The following UBE2D3 variants were observed in gnomAD, a reference collection of about 807,000 sequenced individuals.
The protein encoded by UBE2D3 is ubiquitin-conjugating enzyme E2 D3.
UBE2D3 carries 2 observed loss-of-function variants against 22.8 expected under a neutral mutation model. That is an observed-to-expected ratio of 0.09 (90% CI 0.04 to 0.28). UBE2D3 has a LOEUF of 0.28. Ranked by LOEUF, UBE2D3 falls within the 10% of genes least tolerant of loss-of-function variation. The pLI, the probability that UBE2D3 is intolerant of heterozygous loss-of-function variation, is 1.00. For synonymous variants in UBE2D3, 56 were observed against 60.4 expected (o/e 0.93, Z 0.34); for missense variants, 27 against 182.5 (o/e 0.15, Z 4.91).
At chr4:102,831,947 G>T (rs77712949), upstream of UBE2D3, among the ~76,000 whole-genome samples, 34 of 152,234 alleles carry the variant, frequency 2.2e-4, no homozygotes, top group Non-Finnish European at 4.6e-4. Flanking sequence ...AAAAAACATC[G>T]AATTACTATT....
intron 1 of UBE2D3, among the ~76,000 whole-genome samples, chr4:102,836,700 T>C (rs1397867854): frequency 6.6e-6 from 1 of 152,232 alleles, no homozygotes; most frequent in Non-Finnish European, 1.5e-5. Flanking sequence ...TTTTCAATTT[T>C]AGCCATTGTA....
intron 2 of UBE2D3, among the ~76,000 whole-genome samples, chr4:102,820,955 TG>T (rs1729509339): frequency 6.6e-6 from 1 of 152,206 alleles, no homozygotes; most frequent in Non-Finnish European, 1.5e-5. Context: ...CAATAGATTA[TG>T]TTGAAAGTAT....
intron 1 of UBE2D3, among the ~76,000 whole-genome samples, chr4:102,863,242 G>T (rs1364500814): frequency 6.6e-6 from 1 of 151,926 alleles, no homozygotes; most frequent in African/African-American, 2.4e-5. Context: ...GTAGAGATGG[G>T]GTTTCACTAT....
At chr4:102,853,352 T>C (rs896728727) in intron 1 of UBE2D3, among the ~76,000 whole-genome samples, 6 of 127,808 alleles carry the variant, frequency 4.7e-5, no homozygotes, top group East Asian at 2.3e-4. Context: ...CCAGCAGATA[T>C]CTTGAACATG....
At chr4:102,838,748 G>C (rs1360779264) in intron 1 of UBE2D3, among the ~76,000 whole-genome samples, 1 of 133,142 alleles carries the variant, frequency 7.5e-6, no homozygotes, top group African/African-American at 2.8e-5. Flanking sequence ...TCAAGTAAAA[G>C]CGTAAAATAT....
chr4:102,825,170 T>C, intron 2 of UBE2D3: 1 of 899,422 alleles, frequency 1.1e-6, no homozygotes, highest in Non-Finnish European at 1.3e-6. Flanking sequence ...TAAAGGCAAA[T>C]TCTTGCCATT....
exon 1 of UBE2D3, chr4:102,868,739 A>G: frequency 1.2e-6 from 2 of 1,614,050 alleles, no homozygotes; most frequent in Non-Finnish European, 1.7e-6. Context: ...TTCGGTTAGA[A>G]AGCATTCTCA....
exon 1 of UBE2D3, chr4:102,868,847 G>A (rs1367763275): frequency 8.3e-6 from 13 of 1,559,302 alleles, no homozygotes; most frequent in Non-Finnish European, 1.1e-5. Context: ...ACGAGATTCC[G>A]AGGAGGGCCT....
chr4:102,866,226 C>T (rs1249810167), intron 1 of UBE2D3, among the ~76,000 whole-genome samples: 2 of 152,222 alleles, frequency 1.3e-5, no homozygotes, highest in Non-Finnish European at 2.9e-5. Context: ...ATATGATCCA[C>T]ACCTTTTCTC....
rs948935255 is a variant in UBE2D3, at chr4:102,799,187, A to G, written c.398+220T>C. The stretch of plus-strand genomic sequence containing the variant: ...AAGTGATACTGTTTAACACGCTAGG[A>G]AAAAAAAAACAACAATAAAACATTT... On this transcript the variant is annotated intron_variant, in intron 7 of 7. Transcript: ENST00000453744. 7.4e-5 allele frequency among the ~76,000 whole-genome samples: 11 copies of G among 149,242 alleles called. No homozygotes were observed. In the East Asian group the frequency reaches 2.1e-3, roughly 29 times the overall value.
At chr4:102,798,364 G>T (rs1725570612) in intron 7 of UBE2D3, among the ~76,000 whole-genome samples, 1 of 145,998 alleles carries the variant, frequency 6.8e-6, no homozygotes, top group African/African-American at 2.6e-5. Flanking sequence ...ACCAAATATG[G>T]TCCAACAACT....
At chr4:102,826,298 T>C (rs1357250143) in intron 2 of UBE2D3, among the ~76,000 whole-genome samples, 187 bp downstream of exon 2, 1 of 152,196 alleles carries the variant, frequency 6.6e-6, no homozygotes, top group Non-Finnish European at 1.5e-5. Context: ...TTGCCACAAG[T>C]GTTCTCCGTT....
At chr4:102,832,841 T>G (rs1207541649) in intron 1 of UBE2D3, among the ~76,000 whole-genome samples, 4 of 151,870 alleles carry the variant, frequency 2.6e-5, no homozygotes, top group African/African-American at 9.7e-5. Context: ...AAACTGTGTC[T>G]CTACAAAAAA....
At chr4:102,799,376 C>G (rs769483772) in intron 7 of UBE2D3, 31 bp downstream of exon 7, 1 of 1,584,134 alleles carries the variant, frequency 6.3e-7, no homozygotes, top group Admixed American at 1.7e-5. Flanking sequence ...TAAGTAAAAC[C>G]ACTTTTATAA....
chr4:102,798,279 A>AATATAAATATATATATATATAT (rs1725525249), intron 7 of UBE2D3, among the ~76,000 whole-genome samples: 3 of 111,860 alleles, frequency 2.7e-5, no homozygotes, highest in African/African-American at 1.2e-4. Flanking sequence ...TTAAGAAATG[A>AATATAAATATATATATATATAT]ATATATATAT....
At chr4:102,798,916 A>C (rs1273045912) in intron 7 of UBE2D3, 1 of 1,611,560 alleles carries the variant, frequency 6.2e-7, no homozygotes, top group Admixed American at 1.7e-5. Flanking sequence ...CATAGAGTGC[A>C]GATCCTCTTA....
intron 1 of UBE2D3, among the ~76,000 whole-genome samples, chr4:102,832,998 C>CAAAA (rs5860735): frequency 1.6e-5 from 2 of 125,906 alleles, no homozygotes; most frequent in African/African-American, 5.7e-5. Context: ...CCCTGTCTCT[C>CAAAA]AAAAAAAAAA....
At chr4:102,823,873 G>A (rs1405668748) in intron 2 of UBE2D3, among the ~76,000 whole-genome samples, 1 of 152,128 alleles carries the variant, frequency 6.6e-6, no homozygotes, top group Non-Finnish European at 1.5e-5. Flanking sequence ...ATATTAACGA[G>A]GAATACAGAT....
At chr4:102,865,254 G>A (rs1446703686) in intron 1 of UBE2D3, among the ~76,000 whole-genome samples, 1 of 152,148 alleles carries the variant, frequency 6.6e-6, no homozygotes, top group Non-Finnish European at 1.5e-5. Flanking sequence ...AGCACTTTGG[G>A]AGGCAGAGGC....
Sources: allele counts gnomAD v4.1 joint callset (sites outside exome capture counted in the v4.1 genomes callset), GRCh38; gene constraint gnomAD v4.1.1; transcripts MANE v1.5; gene names NCBI Gene and HGNC (gene_info 2026-07-23, HGNC 2026-07-21).